Variants in DNAH3 observed in about 807,000 individuals in gnomAD.
DNAH3 encodes dynein axonemal heavy chain 3.
In DNAH3, 332 loss-of-function variants were observed where a neutral mutation model predicts 432.5. The ratio of observed to expected loss-of-function variants is 0.77; its 90% CI spans 0.70 to 0.84. The LOEUF (loss-of-function observed/expected upper bound fraction) is 0.84, where lower values mean the gene tolerates loss of function less well. Among genes scored for constraint, DNAH3 ranks in the 40% least tolerant of loss-of-function variants. The pLI, the probability that DNAH3 is intolerant of heterozygous loss-of-function variation, is 0.00. For missense variants in DNAH3, 4,861 were observed against 5,114.0 expected (o/e 0.95, Z 1.51); for synonymous variants, 1,956 against 1,900.2 (o/e 1.03, Z -0.76).
At chr16:21,068,695 T>C (rs1014851878) in intron 23 of DNAH3, among the ~76,000 whole-genome samples, 1 of 152,164 alleles carries the variant, frequency 6.6e-6, no homozygotes, top group Non-Finnish European at 1.5e-5. Context: ...AACACCTGGG[T>C]CATTGTAGGT....
chr16:20,957,478 T>C (rs969985699), intron 54 of DNAH3, among the ~76,000 whole-genome samples: 5 of 152,124 alleles, frequency 3.3e-5, no homozygotes, highest in African/African-American at 1.2e-4. Context: ...AGGGTGCATT[T>C]GGCTATCGGG....
intron 52 of DNAH3, among the ~76,000 whole-genome samples, chr16:20,966,227 C>T (rs370688220): frequency 2.6e-5 from 4 of 150,996 alleles, no homozygotes; most frequent in Admixed American, 6.6e-5. Context: ...TTAGTAGAGA[C>T]GGGGTTTCAC....
At chr16:21,067,519 T>C in intron 23 of DNAH3, 100 bp from the exon 24 acceptor site, 1 of 1,314,986 alleles carries the variant, frequency 7.6e-7, no homozygotes. Context: ...CAGCACTCCT[T>C]GTCCAGCTAA....
intron 11 of DNAH3, among the ~76,000 whole-genome samples, chr16:21,119,844 C>A (rs2092297231): frequency 6.7e-6 from 1 of 149,758 alleles, no homozygotes; most frequent in Non-Finnish European, 1.5e-5. Flanking sequence ...ATGATCCAGC[C>A]ATCTCGGCTA....
intron 18 of DNAH3, among the ~76,000 whole-genome samples, chr16:21,089,311 G>A (rs2091466141): frequency 6.6e-6 from 1 of 152,190 alleles, no homozygotes; most frequent in Admixed American, 6.5e-5. Context: ...TCCATGGAGA[G>A]GGATATGTCT....
chr16:21,102,628 C>CA lies in DNAH3; in HGVS notation c.2366+1842dup, dbSNP rs370482974. Among the ~76,000 whole-genome samples the CA allele has an allele frequency of 2.2e-3, 327 of 152,044 alleles. 1 individual carries two copies. The highest frequency in any genetic ancestry group is 7.7e-3 in the African/African-American group (318 of 41,486). The stretch of plus-strand genomic sequence containing the variant: ...ATGAGCCTTCTGTTTATTTATCTAA[C>CA]AAAAAAAGTGATTTTGCCACCCAAG... On this transcript the variant is annotated intron_variant, in intron 16 of 61. Coordinates refer to ENST00000261383, the Ensembl canonical transcript of DNAH3.
intron 14 of DNAH3, among the ~76,000 whole-genome samples, chr16:21,110,624 C>T (rs1378338158): frequency 1.3e-5 from 2 of 152,206 alleles, no homozygotes; most frequent in African/African-American, 2.4e-5. Context: ...CCAAGCTAGT[C>T]TGTTTGAGCT....
chr16:20,987,424 A>T (rs956833062), exon 47 of DNAH3: 1 of 1,614,046 alleles, frequency 6.2e-7, no homozygotes, highest in African/African-American at 1.3e-5. Context: ...TCATGGATCC[A>T]AAGCCGGATA....
At chr16:21,127,300 C>G (rs2092462705) in intron 8 of DNAH3, among the ~76,000 whole-genome samples, 1 of 151,796 alleles carries the variant, frequency 6.6e-6, no homozygotes, top group African/African-American at 2.4e-5. Flanking sequence ...TGCCTGTAAT[C>G]CCAGCACTTT....
chr16:21,013,052 AC>A (rs1456490076), intron 41 of DNAH3, among the ~76,000 whole-genome samples: 1 of 152,186 alleles, frequency 6.6e-6, no homozygotes, highest in African/African-American at 2.4e-5. Context: ...GGTGTGAGCC[AC>A]CGTGCACAGC....
At position 20,964,142 on chromosome 16, in the gene DNAH3, T is replaced by C. The variant is rs770350734; in HGVS notation, c.9742A>G (p.Met3248Val). 8.7e-6 allele frequency: 14 copies of C among 1,614,218 alleles called. No individual in the cohort carries two copies. In the Admixed American group the frequency reaches 1.5e-4, roughly 17 times the overall value. The change falls in exon 53 of 62, where the codon ATG (methionine) becomes GTG (valine). Residue 3248 changes from methionine to valine, a missense_variant. Physicochemically the swap from Met to Val is conservative, Grantham distance 21 (BLOSUM62 1). Coordinates refer to ENST00000261383, the Ensembl canonical transcript of DNAH3. ...TCCTCCAGGATGTTACCCTTGGACA[T>C]GGAGAGAACCTCCAAGATCTTATCT...
chr16:21,141,917 C>T (rs56079764), intron 3 of DNAH3, among the ~76,000 whole-genome samples: 24,866 of 151,682 alleles, frequency 0.16, 2,512 homozygotes, highest in South Asian at 0.25. Context: ...CCGGGCATTG[C>T]GGCGAGCGCC....
exon 45 of DNAH3, chr16:20,988,028 A>C: frequency 6.2e-7 from 1 of 1,614,166 alleles, no homozygotes; most frequent in Non-Finnish European, 8.5e-7. Flanking sequence ...CCTCAAAGGC[A>C]TTGATGGAAA....
intron 25 of DNAH3, among the ~76,000 whole-genome samples, chr16:21,062,046 G>A (rs1379237996): frequency 1.3e-5 from 2 of 152,156 alleles, no homozygotes; most frequent in Non-Finnish European, 2.9e-5. Flanking sequence ...CATTATATAA[G>A]GACATATGTA....
At chr16:20,983,133 T>A (rs1267707252) in intron 48 of DNAH3, among the ~76,000 whole-genome samples, 1 of 152,158 alleles carries the variant, frequency 6.6e-6, no homozygotes, top group African/African-American at 2.4e-5. Context: ...TTTAATTTTT[T>A]ATTTTTTATT....
At chr16:21,156,405 T>C (rs1251774756) in intron 1 of DNAH3, among the ~76,000 whole-genome samples, 10 of 151,950 alleles carry the variant, frequency 6.6e-5, no homozygotes, top group Admixed American at 6.6e-4. Flanking sequence ...CTAACTTTTG[T>C]ATTTTTAGTA....
At chr16:20,968,498 G>T (rs1660617723) in intron 52 of DNAH3, among the ~76,000 whole-genome samples, 2 of 152,180 alleles carry the variant, frequency 1.3e-5, no homozygotes, top group South Asian at 4.1e-4. Context: ...CAGCTCTAAG[G>T]CACTGGTCTT....
chr16:21,011,615 C>A (rs147435061), intron 41 of DNAH3, among the ~76,000 whole-genome samples: 1 of 152,232 alleles, frequency 6.6e-6, no homozygotes, highest in Admixed American at 6.5e-5. Flanking sequence ...CCTGCCTCAG[C>A]CTCCCAAAGT....
At chr16:20,968,413 A>G (rs892261337) in intron 52 of DNAH3, among the ~76,000 whole-genome samples, 7 of 152,200 alleles carry the variant, frequency 4.6e-5, no homozygotes, top group Admixed American at 1.3e-4. Context: ...ATGAAGGAAT[A>G]GCCAGACTGT....
Sources: gnomAD v4.1 joint callset for allele counts (sites outside exome capture counted in the v4.1 genomes callset) on GRCh38, gnomAD v4.1.1 for gene constraint, MANE v1.5 for transcripts, NCBI Gene and HGNC (gene_info 2026-07-23, HGNC 2026-07-21) for gene names.